The following TMCO5A variants were observed in gnomAD, a reference collection of about 807,000 sequenced individuals.
TMCO5A encodes transmembrane and coiled-coil domains 5A.
In TMCO5A, 34 loss-of-function variants were observed where a neutral mutation model predicts 42.3. That is an observed-to-expected ratio of 0.80 (90% CI 0.61 to 1.07). The LOEUF (loss-of-function observed/expected upper bound fraction) is 1.07. Ranked by LOEUF, TMCO5A falls within the 50% of genes least tolerant of loss-of-function variation. The pLI is 0.00. For missense variants in TMCO5A, 357 were observed against 327.9 expected (o/e 1.09, Z -0.69); for synonymous variants, 131 against 115.6 (o/e 1.13, Z -0.86).
At chr15:38,033,145 G>T in the TMCO5A span, among the ~76,000 whole-genome samples, 1 of 151,974 alleles carries the variant, frequency 6.6e-6, no homozygotes. Flanking sequence ...AGCCAGGATG[G>T]TCTCGATTTC....
At chr15:37,954,677 A>G (rs1460391231), downstream of TMCO5A, among the ~76,000 whole-genome samples, 1 of 152,232 alleles carries the variant, frequency 6.6e-6, no homozygotes, top group East Asian at 1.9e-4. Context: ...TAACTGTGGT[A>G]TGTATACTAC....
intron 11 of TMCO5A, among the ~76,000 whole-genome samples, chr15:37,948,150 C>A (rs1231719342): frequency 1.3e-5 from 2 of 151,936 alleles, no homozygotes; most frequent in Non-Finnish European, 2.9e-5. Context: ...CTAACAGTAT[C>A]CAACACATAA....
the TMCO5A span, among the ~76,000 whole-genome samples, chr15:37,980,892 A>G: frequency 2.0e-5 from 3 of 152,212 alleles, no homozygotes; most frequent in Non-Finnish European, 2.9e-5. Flanking sequence ...GCTTTCACAC[A>G]TTGTGGTTTT....
chr15:37,984,478 A>G, the TMCO5A span, among the ~76,000 whole-genome samples: 1 of 152,160 alleles, frequency 6.6e-6, no homozygotes, highest in East Asian at 1.9e-4. Context: ...TGATTACCTC[A>G]ATATCCAGTA....
chr15:37,941,048 C>A, intron 6 of TMCO5A, 101 bp from the exon 7 acceptor site: 1 of 1,057,340 alleles, frequency 9.5e-7, no homozygotes, highest in Non-Finnish European at 1.5e-6. Flanking sequence ...AAGTCATGGC[C>A]CTGAGGCTCC....
chr15:37,956,048 GA>G (rs573298937), downstream of TMCO5A, among the ~76,000 whole-genome samples: 207 of 152,248 alleles, frequency 1.4e-3, no homozygotes, highest in African/African-American at 4.8e-3. Flanking sequence ...TGAAACCAAT[GA>G]GAACAAAGAC....
At chr15:37,964,521 C>T (rs889459615) in intron 11 of TMCO5A, among the ~76,000 whole-genome samples, 17 of 152,032 alleles carry the variant, frequency 1.1e-4, no homozygotes, top group Non-Finnish European at 1.3e-4. Context: ...CCTCTGCATG[C>T]TTCTCTCCCT....
intron 6 of TMCO5A, among the ~76,000 whole-genome samples, chr15:37,940,626 G>C (rs1352702656): frequency 6.6e-6 from 1 of 152,070 alleles, no homozygotes; most frequent in Non-Finnish European, 1.5e-5. Flanking sequence ...TGCCAGCTCT[G>C]CAAGGGTGGA....
the TMCO5A span, among the ~76,000 whole-genome samples, chr15:38,038,136 TTATAGA>T: frequency 6.6e-6 from 1 of 152,210 alleles, no homozygotes; most frequent in South Asian, 2.1e-4. Context: ...ACATTTTCTT[TTATAGA>T]TATAGAAAAA....
chr15:37,943,272 T>C, intron 9 of TMCO5A, 69 bp from the exon 10 acceptor site: 7 of 1,464,518 alleles, frequency 4.8e-6, no homozygotes, highest in South Asian at 2.4e-5. Flanking sequence ...TTTTTTAAAA[T>C]AACCATAGTG....
At chr15:37,978,777 T>C in the TMCO5A span, among the ~76,000 whole-genome samples, 2 of 151,930 alleles carry the variant, frequency 1.3e-5, no homozygotes, top group Non-Finnish European at 2.9e-5. Flanking sequence ...TACCTGATAG[T>C]AGGTAATTTA....
At chr15:37,990,894 C>T in the TMCO5A span, among the ~76,000 whole-genome samples, 1 of 152,068 alleles carries the variant, frequency 6.6e-6, no homozygotes, top group South Asian at 2.1e-4. Flanking sequence ...CATACAAAAC[C>T]TCTGGTCCTA....
At chr15:38,013,818 T>C in the TMCO5A span, among the ~76,000 whole-genome samples, 12 of 152,224 alleles carry the variant, frequency 7.9e-5, no homozygotes, top group African/African-American at 2.9e-4. Flanking sequence ...GACTTAAAAC[T>C]ATATACAAAT....
At chr15:37,994,381 G>T in the TMCO5A span, among the ~76,000 whole-genome samples, 1 of 152,186 alleles carries the variant, frequency 6.6e-6, no homozygotes, top group Non-Finnish European at 1.5e-5. Flanking sequence ...AGGAAACAAG[G>T]CTCACATATT....
chr15:37,937,541 C>A (rs1022599289), intron 5 of TMCO5A, 145 bp downstream of exon 5: 11 of 784,902 alleles, frequency 1.4e-5, no homozygotes, highest in Non-Finnish European at 2.2e-5. Context: ...AATCCACTCT[C>A]CTGAGGCCAA....
chr15:38,035,023 T>C, the TMCO5A span, among the ~76,000 whole-genome samples: 1 of 152,124 alleles, frequency 6.6e-6, no homozygotes, highest in South Asian at 2.1e-4. Context: ...CTTGTACACA[T>C]CCCAAGGTGT....
the TMCO5A span, among the ~76,000 whole-genome samples, chr15:37,982,739 T>TATG: frequency 0.051 from 7,349 of 144,004 alleles, 651 homozygotes; most frequent in African/African-American, 0.18. Context: ...AATATATAAA[T>TATG]ATATATAAAT....
rs775629998 is a variant in TMCO5A at position 37,951,399 on chromosome 15, A to C, written c.*165A>C. The C allele has an allele frequency of 4.7e-6, 3 of 637,686 alleles. No individual in the cohort carries two copies. Among genetic ancestry groups the C allele is most frequent in the Non-Finnish European group, 8.0e-6 (3 of 372,934 alleles). The allele number at this position is 637,686 out of a possible 1,614,324, so 39.5% of individuals were successfully genotyped here. A position where few individuals can be genotyped will look rare whatever the true frequency, so the allele number is the denominator to read the frequency against. On this transcript the variant is annotated 3_prime_UTR_variant, in exon 12 of 12. Coordinates refer to ENST00000319669, the MANE Select transcript of TMCO5A (RefSeq NM_152453.4). The stretch of plus-strand genomic sequence containing the variant: ...CGTCATCTTTCCAGGATTAACCTTG[A>C]CCAGTAAAAAGCTCTGTAATAGATT...
the TMCO5A span, among the ~76,000 whole-genome samples, chr15:38,025,776 A>G: frequency 6.6e-6 from 1 of 152,036 alleles, no homozygotes; most frequent in African/African-American, 2.4e-5. Context: ...ATATTCCCAT[A>G]ATTTCCACAT....
Sources: allele counts gnomAD v4.1 joint callset (sites outside exome capture counted in the v4.1 genomes callset), GRCh38; gene constraint gnomAD v4.1.1; transcripts MANE v1.5; gene names NCBI Gene and HGNC (gene_info 2026-07-23, HGNC 2026-07-21).